The following KANK1 variants were observed in gnomAD, a reference collection of about 807,000 sequenced individuals.
KANK1 encodes the protein KN motif and ankyrin repeat domains 1.
A neutral mutation model predicts 106.2 loss-of-function variants in KANK1; 109 were observed. The observed-to-expected ratio is 1.03, with a 90% confidence interval of 0.88 to 1.20. The LOEUF is 1.20. Ranked by LOEUF, KANK1 falls within the 50% of genes most tolerant of loss-of-function variation. The probability of loss-of-function intolerance (pLI) is 0.00; values close to 1 mark genes in which losing one functional copy is unlikely to be tolerated. For missense variants in KANK1, 2,399 were observed against 1,710.7 expected (o/e 1.40, Z -7.10); for synonymous variants, 873 against 652.2 (o/e 1.34, Z -5.16).
In KANK1 at chr9:711,136, C is replaced by T. The variant is rs552707734; in HGVS notation, c.370C>T (p.Pro124Ser). 3.1e-6 allele frequency: 5 copies of T among 1,614,178 alleles called. No homozygotes were observed. Among genetic ancestry groups the T allele is most frequent in the East Asian group, 2.2e-5 (1 of 44,888 alleles). Reference sequence around the variant, plus strand: ...AACTCCAATCTCAAAGCCACCTCCCCCTCTGGAGACCTCACTCCCTTTTCT... The same window carrying T: ...AACTCCAATCTCAAAGCCACCTCCCTCTCTGGAGACCTCACTCCCTTTTCT... ...TSTPISKPPP[P>S]LETSLPFLTI... The change falls in exon 3 of 12, where the codon CCT (proline) becomes TCT (serine). Residue 124 changes from proline to serine, a missense_variant. Pro to Ser is a moderately conservative substitution (Grantham distance 74). Transcript: ENST00000382297.
At chr9:524,812 C>T (rs546728741) in intron 1 of KANK1, among the ~76,000 whole-genome samples, 2 of 151,460 alleles carry the variant, frequency 1.3e-5, no homozygotes, top group South Asian at 2.1e-4. Context: ...CCACCGTGCC[C>T]GGCTCGTTAC....
intron 1 of KANK1, among the ~76,000 whole-genome samples, chr9:661,393 C>G (rs1008992504): frequency 2.0e-5 from 3 of 151,978 alleles, no homozygotes; most frequent in African/African-American, 7.3e-5. Flanking sequence ...TCTGTCCTTG[C>G]AATAGTTTGC....
At chr9:684,227 GGCGATTA>G (rs1377676074) in intron 2 of KANK1, 1 of 985,246 alleles carries the variant, frequency 1.0e-6, no homozygotes, top group African/African-American at 1.7e-5. Context: ...ATTTCAGACA[GGCGATTA>G]GCTCTCCAGC....
At chr9:565,445 C>T (rs1432130752) in intron 1 of KANK1, among the ~76,000 whole-genome samples, 1 of 152,174 alleles carries the variant, frequency 6.6e-6, no homozygotes, top group East Asian at 1.9e-4. Context: ...CATGGTATTG[C>T]AGTAAAGAAA....
At chr9:532,364 CTTT>C (rs1187078952) in intron 1 of KANK1, among the ~76,000 whole-genome samples, 4,117 of 81,626 alleles carry the variant, frequency 0.05, 79 homozygotes, top group Non-Finnish European at 0.061. Context: ...GCCTCAAGCA[CTTT>C]TTTTTTTTTT....
chr9:693,787 G>A (rs923021478), intron 2 of KANK1: 2 of 985,246 alleles, frequency 2.0e-6, no homozygotes, highest in African/African-American at 3.5e-5. Context: ...TTCTGGGTGG[G>A]TAAGTAAGAA....
chr9:580,153 G>C (rs921091053), intron 1 of KANK1, among the ~76,000 whole-genome samples: 2 of 152,122 alleles, frequency 1.3e-5, no homozygotes, highest in Admixed American at 6.6e-5. Context: ...TGAAGCTGCA[G>C]ACCTTCGCGG....
rs1826129160 is a variant in KANK1, at chr9:711,645, C to T, written c.879C>T (p.Val293=). 4 of 1,614,186 alleles carry T rather than the reference C, an allele frequency of 2.5e-6. No homozygotes were observed. In the East Asian group the frequency reaches 8.9e-5, roughly 36 times the overall value. The change falls in exon 3 of 12, where the codon GTC becomes GTT. Residue 293 remains valine, a synonymous_variant. Coordinates refer to ENST00000382297, the MANE Select transcript of KANK1 (RefSeq NM_015158.5). ...TIPVLQVKIS[V]LQEEKRQLVS... ...CTGTGCTCCAGGTAAAGATCTCTGT[C>T]TTGCAAGAAGAGAAAAGGCAGTTGG...
intron 1 of KANK1, among the ~76,000 whole-genome samples, chr9:633,413 G>A (rs970121497): frequency 9.2e-5 from 14 of 152,056 alleles, no homozygotes; most frequent in South Asian, 4.2e-4. Context: ...AGCCGTGATC[G>A]CGCCCCTGCA....
At chr9:495,050 A>G (rs2058436557) in intron 3 of KANK1, among the ~76,000 whole-genome samples, 1 of 152,260 alleles carries the variant, frequency 6.6e-6, no homozygotes, top group Admixed American at 6.5e-5. Flanking sequence ...ACTTGTTTAG[A>G]TAATAACTTT....
chr9:503,980 C>T (rs1241963892), upstream of KANK1, among the ~76,000 whole-genome samples: 1 of 152,208 alleles, frequency 6.6e-6, no homozygotes, highest in East Asian at 1.9e-4. Context: ...TGCAGCCGAG[C>T]CAGGGCGAAT....
chr9:579,591 G>C (rs545433613), intron 1 of KANK1, among the ~76,000 whole-genome samples: 1 of 152,094 alleles, frequency 6.6e-6, no homozygotes, highest in Non-Finnish European at 1.5e-5. Flanking sequence ...TAGGGGAGAA[G>C]CATCTTCTCA....
chr9:730,094 A>G lies in KANK1; in HGVS notation c.2742A>G (p.Ser914=). Residue 914 remains serine, a synonymous_variant, in exon 4 of 12, where the codon TCA becomes TCG. Transcript: ENST00000382297. ...CCTGTAAGTGTGGGGGCCTTCAGTC[A>G]GGAAGTCCCTTAAGCTCCCAGACAT... ...GYTCKCGGLQ[S]GSPLSSQTSQ... 6.2e-7 allele frequency: 1 copy of G among 1,614,208 alleles called. No individual in the cohort carries two copies. Among genetic ancestry groups the G allele is most frequent in the Non-Finnish European group, 8.5e-7 (1 of 1,180,022 alleles).
chr9:570,502 C>G (rs1437713002), intron 1 of KANK1, among the ~76,000 whole-genome samples: 2 of 152,158 alleles, frequency 1.3e-5, no homozygotes, highest in Non-Finnish European at 2.9e-5. Context: ...CTGAGGTACT[C>G]TTACCAGAAA....
chr9:565,745 C>G (rs1421781369), intron 1 of KANK1, among the ~76,000 whole-genome samples: 1 of 152,112 alleles, frequency 6.6e-6, no homozygotes, highest in South Asian at 2.1e-4. Context: ...GAAAAGACAT[C>G]TCAAAAGGCC....
chr9:717,533 G>A (rs1286709790), intron 3 of KANK1, among the ~76,000 whole-genome samples: 1 of 151,994 alleles, frequency 6.6e-6, no homozygotes. Flanking sequence ...ACAATGTCTT[G>A]GTTTTGATGG....
At chr9:501,613 T>TACATAC (rs1554722125), upstream of KANK1, among the ~76,000 whole-genome samples, 1 of 148,432 alleles carries the variant, frequency 6.7e-6, no homozygotes, top group East Asian at 2.0e-4. Flanking sequence ...CGCACAGACA[T>TACATAC]ACACACACAC....
chr9:510,495 CT>C (rs1251696104), intron 1 of KANK1, among the ~76,000 whole-genome samples: 3 of 152,144 alleles, frequency 2.0e-5, no homozygotes, highest in Non-Finnish European at 4.4e-5. Flanking sequence ...TGATTAGGAG[CT>C]GCTTCCCCCA....
At chr9:537,359 G>C (rs991579051) in intron 1 of KANK1, among the ~76,000 whole-genome samples, 1 of 152,080 alleles carries the variant, frequency 6.6e-6, no homozygotes, top group Non-Finnish European at 1.5e-5. Flanking sequence ...TGGTTAGCCT[G>C]TCAGGCCCTC....
Sources: gnomAD v4.1 joint callset for allele counts (sites outside exome capture counted in the v4.1 genomes callset) on GRCh38, gnomAD v4.1.1 for gene constraint, MANE v1.5 for transcripts, NCBI Gene and HGNC (gene_info 2026-07-23, HGNC 2026-07-21) for gene names.